The following GAPVD1 variants were observed in gnomAD, a reference collection of about 807,000 sequenced individuals.
GAPVD1 encodes the protein GTPase-activating protein and VPS9 domain-containing protein 1.
GAPVD1 carries 35 observed loss-of-function variants against 155.5 expected under a neutral mutation model. That is an observed-to-expected ratio of 0.23 (90% confidence interval 0.17 to 0.30). The LOEUF is 0.30. Among genes scored for constraint, GAPVD1 ranks in the 10% least tolerant of loss-of-function variants. The pLI is 1.00. For missense variants in GAPVD1, 1,429 were observed against 1,775.7 expected, an observed-to-expected ratio of 0.80 and a Z score of 3.51; for synonymous variants, 636 against 619.7, an observed-to-expected ratio of 1.03 and a Z score of -0.39.
At chr9:125,314,319 A>T (rs1843080103) in intron 9 of GAPVD1, among the ~76,000 whole-genome samples, 1 of 152,186 alleles carries the variant, frequency 6.6e-6, no homozygotes, top group African/African-American at 2.4e-5. Context: ...AGGCTTGGGA[A>T]TCATTTTTAA....
intron 15 of GAPVD1, among the ~76,000 whole-genome samples, chr9:125,336,306 C>CA (rs1247163068): frequency 0.013 from 1,642 of 131,196 alleles, 78 homozygotes; most frequent in East Asian, 0.089. Flanking sequence ...AAAAAAAAAA[C>CA]AAAAAACAAA....
intron 2 of GAPVD1, among the ~76,000 whole-genome samples, chr9:125,293,869 TATATATATATATATATA>T (rs1230326353): frequency 1.4e-4 from 3 of 21,190 alleles, no homozygotes; most frequent in African/African-American, 7.2e-4. Context: ...TATATATATA[TATATATATATATATATA>T]TATATATATA....
chr9:125,272,382 G>A lies in GAPVD1; in HGVS notation c.-150+3398G>A, dbSNP rs1202626321. On this transcript the variant is annotated intron_variant, in intron 2 of 27. Transcript: ENST00000297933. ...ATCTTTACTAACTCCTTTGGAACCCGAGGAATCTAACTTTGATTCCTCTAA... is the reference window on the plus strand; with the variant it reads ...ATCTTTACTAACTCCTTTGGAACCCAAGGAATCTAACTTTGATTCCTCTAA... Among the ~76,000 whole-genome samples, 5 of 152,122 alleles carry A rather than the reference G, an allele frequency of 3.3e-5. No individual in the cohort carries two copies. In the South Asian group the frequency reaches 1.0e-3, roughly 32 times the overall value.
At chr9:125,278,168 G>A (rs1410700918) in intron 2 of GAPVD1, among the ~76,000 whole-genome samples, 2 of 152,200 alleles carry the variant, frequency 1.3e-5, no homozygotes, top group African/African-American at 4.8e-5. Context: ...ATATTTGCAA[G>A]AGACACTCAT....
chr9:125,318,075 C>G (rs1843719870), intron 9 of GAPVD1, among the ~76,000 whole-genome samples: 1 of 152,214 alleles, frequency 6.6e-6, no homozygotes, highest in African/African-American at 2.4e-5. Context: ...GCCTCCGCCT[C>G]CCCTGTTCAA....
chr9:125,342,115 T>TA, intron 18 of GAPVD1, 104 bp from the exon 19 acceptor site: 1 of 645,330 alleles, frequency 1.5e-6, no homozygotes, highest in Non-Finnish European at 2.8e-6. Flanking sequence ...TCTTAGCTTT[T>TA]AAACTTTTCA....
chr9:125,336,913 G>C (rs1847104290), intron 15 of GAPVD1, 105 bp from the exon 16 acceptor site: 2 of 652,564 alleles, frequency 3.1e-6, no homozygotes, highest in Non-Finnish European at 5.5e-6. Flanking sequence ...AAGTTCTAAT[G>C]GATCAAAAAA....
In GAPVD1 at chr9:125,362,530, C is replaced by A; in HGVS notation, c.4243-76C>A. 3 of 1,170,952 alleles carry A rather than the reference C, an allele frequency of 2.6e-6. No homozygotes were observed. The East Asian group carries it at 7.7e-5, about 30-fold the overall frequency. 72.5% of individuals were successfully genotyped at this position (1,170,952 alleles called of 1,614,324 possible). A position where few individuals can be genotyped will look rare whatever the true frequency, so the allele number is the denominator to read the frequency against. ...GGTATGTCTTTCATAGAAGAACATT[C>A]GAAGAACACTTAAATGATTTTGGCA... On this transcript the variant is annotated intron_variant, in intron 27 of 27. Transcript: ENST00000297933.
At chr9:125,300,046 T>A (rs1451152856) in intron 4 of GAPVD1, among the ~76,000 whole-genome samples, 2,862 of 4,440 alleles carry the variant, frequency 0.64, 1,084 homozygotes, top group East Asian at 0.71. Flanking sequence ...AAAATATATA[T>A]ATATATATAT....
chr9:125,320,840 A>G (rs533244710), intron 9 of GAPVD1, among the ~76,000 whole-genome samples: 1 of 152,090 alleles, frequency 6.6e-6, no homozygotes, highest in South Asian at 2.1e-4. Flanking sequence ...GTTAGCCAGC[A>G]TGGTCTCGAT....
At chr9:125,332,292 G>T (rs74933934) in intron 14 of GAPVD1, among the ~76,000 whole-genome samples, 1 of 152,138 alleles carries the variant, frequency 6.6e-6, no homozygotes, top group Non-Finnish European at 1.5e-5. Context: ...GTTCTTAGTA[G>T]CCTGTCCTAC....
chr9:125,300,985 T>C (rs1333085521), intron 4 of GAPVD1, among the ~76,000 whole-genome samples: 1 of 152,204 alleles, frequency 6.6e-6, no homozygotes, highest in Non-Finnish European at 1.5e-5. Flanking sequence ...TATGCTGATA[T>C]CGACTTCATT....
At position 125,350,399 on chromosome 9, in the gene GAPVD1, C is replaced by A; in HGVS notation, c.3404C>A (p.Pro1135Gln). ...AATGGTTTACCAGACCACACAGACC[C>A]AGAAGGTAAATTGCTGCAGGATCGT... ...TRNGLPDHTDPEDNEIVCFLK... is the reference protein window; with the variant it reads ...TRNGLPDHTDQEDNEIVCFLK... Residue 1135 changes from proline to glutamine, a missense_variant, in exon 22 of 28, where the codon CCA becomes CAA. Pro to Gln is a moderately conservative substitution (Grantham distance 76, BLOSUM62 -1). Around this residue, in one of 4 missense-constraint regions of GAPVD1, gnomAD observed 699 missense variants for 826.0 expected, o/e 0.85. Transcript: ENST00000297933. The A allele has an allele frequency of 6.3e-7, 1 of 1,592,350 alleles. No individual in the cohort carries two copies. Among genetic ancestry groups the A allele is most frequent in the Non-Finnish European group, 8.6e-7 (1 of 1,160,604 alleles).
rs148759578 is a variant in GAPVD1 at position 125,273,833 on chromosome 9, T to C, written c.-150+4849T>C. On this transcript the variant is annotated intron_variant, in intron 2 of 27. Coordinates refer to ENST00000297933, the MANE Select transcript of GAPVD1 (RefSeq NM_001282680.3). ...GTGGTTTTCTTGGACCTCTGCCTTA[T>C]CTTTCTTCTTTTGCGTATTCACTTC... Among the ~76,000 whole-genome samples the C allele has an allele frequency of 3.6e-4, 55 of 152,226 alleles. No individual in the cohort carries two copies. The East Asian group carries it at 0.01, about 28-fold the overall frequency.
At chr9:125,341,303 A>G in intron 18 of GAPVD1, 39 bp downstream of exon 18, 2 of 993,852 alleles carry the variant, frequency 2.0e-6, no homozygotes, top group African/African-American at 3.3e-5. Flanking sequence ...ATTAGCAATA[A>G]GAAGCAAAGC....
rs1845872883 is a variant in GAPVD1, at chr9:125,330,104, A to G, written c.2059A>G (p.Ser687Gly). The G allele has an allele frequency of 6.2e-7, 1 of 1,612,230 alleles. No individual in the cohort carries two copies. Among genetic ancestry groups the G allele is most frequent in the African/African-American group, 1.3e-5 (1 of 74,820 alleles). Residue 687 changes from serine (S) to glycine (G), a missense_variant, in exon 13 of 28, where the codon AGT becomes GGT. Around this residue, in one of 4 missense-constraint regions of GAPVD1, gnomAD observed 699 missense variants for 826.0 expected, o/e 0.85. Transcript: ENST00000297933. ...TGCTGCAGCAGAGAACATGTTAGGC[A>G]GTTTGCTGTGCCTCCCAGGTTCAGG... ...AGAAAENMLG[S>G]LLCLPGSGSV...
intron 2 of GAPVD1, among the ~76,000 whole-genome samples, chr9:125,291,958 G>C (rs1283308845): frequency 6.6e-6 from 1 of 152,062 alleles, no homozygotes. Context: ...AAGCTATCCA[G>C]GTGCCAGGCA....
At position 125,302,759 on chromosome 9, in the gene GAPVD1, A is replaced by G. The variant is rs753338033; in HGVS notation, c.962A>G (p.Asn321Ser). The G allele has an allele frequency of 6.2e-7, 1 of 1,613,836 alleles. No individual in the cohort carries two copies. The highest frequency in any genetic ancestry group is 1.1e-5 in the South Asian group (1 of 90,974). Residue 321 changes from asparagine to serine, a missense_variant, in exon 5 of 28, where the codon AAT becomes AGT. Transcript: ENST00000297933. The part of the protein sequence containing the change: ...LACFICPAVV[N>S]PEQYGIISDA... ...TGCTTCATTTGTCCTGCAGTTGTCA[A>G]TCCAGAACAATATGGAATAATTTCC...
rs570711439 is a variant in GAPVD1, at chr9:125,298,035, C to T, written c.-32-855C>T. ...TGCTGGGATTACATGCGTGAGCCAC[C>T]GCGCCCGGCTGTGATCTGACTTTTT... On this transcript the variant is annotated intron_variant, in intron 3 of 27. Coordinates refer to ENST00000297933, the MANE Select transcript of GAPVD1 (RefSeq NM_001282680.3). 1.6e-4 allele frequency among the ~76,000 whole-genome samples: 25 copies of T among 152,182 alleles called. No individual in the cohort carries two copies. In the East Asian group the frequency reaches 4.1e-3, roughly 25 times the overall value.
Sources: allele counts gnomAD v4.1 joint callset (sites outside exome capture counted in the v4.1 genomes callset), GRCh38; gene constraint gnomAD v4.1.1; regional missense constraint gnomAD v4.1.1; transcripts MANE v1.5; gene names NCBI Gene and HGNC (gene_info 2026-07-23, HGNC 2026-07-21).